The following HIVEP1 variants were observed in gnomAD, a reference collection of about 807,000 sequenced individuals.
The protein encoded by HIVEP1 is zinc finger protein 40.
HIVEP1 carries 36 observed loss-of-function variants against 180.0 expected under a neutral mutation model. The observed-to-expected ratio is 0.20, with a 90% confidence interval of 0.15 to 0.26. HIVEP1 has a LOEUF of 0.26. HIVEP1 is among the 10% of genes least tolerant of loss of function. The pLI, the probability that HIVEP1 is intolerant of heterozygous loss-of-function variation, is 1.00. For missense variants in HIVEP1, 3,143 were observed against 3,268.7 expected (o/e 0.96, Z 0.94); for synonymous variants, 1,239 against 1,239.0 (o/e 1.00, Z 0.00).
At chr6:12,182,999 T>C in the HIVEP1 span, among the ~76,000 whole-genome samples, 114 of 152,204 alleles carry the variant, frequency 7.5e-4, 1 homozygote, top group African/African-American at 2.6e-3. Context: ...GAAGTAAAAA[T>C]GATGCCAGAG....
Position 12,122,310 on chromosome 6 carries a change from A to C in HIVEP1, c.2515A>C (p.Ser839Arg). The change falls in exon 4 of 9, where the codon AGT becomes CGT. Residue 839 changes from serine (S) to arginine (R), a missense_variant. Ser to Arg is a moderately radical substitution (Grantham distance 110, BLOSUM62 -1). Coordinates refer to ENST00000379388, the MANE Select transcript of HIVEP1 (RefSeq NM_002114.4). The stretch of plus-strand genomic sequence containing the variant: ...ACTTGACTGTTTACCTATCACAAGA[A>C]GTAATTCCATGCCGACCACAGGTTA... ...PSLDCLPITR[S>R]NSMPTTGYSA... The C allele has an allele frequency of 6.2e-7, 1 of 1,614,266 alleles. No individual in the cohort carries two copies. The highest frequency in any genetic ancestry group is 1.1e-5 in the South Asian group (1 of 91,088).
chr6:12,175,087 G>A, the HIVEP1 span, among the ~76,000 whole-genome samples: 1 of 152,148 alleles, frequency 6.6e-6, no homozygotes, highest in East Asian at 1.9e-4. Context: ...ATAGGGTGTG[G>A]GCAAGAGAGA....
chr6:12,196,693 A>G, the HIVEP1 span, among the ~76,000 whole-genome samples: 10 of 152,234 alleles, frequency 6.6e-5, no homozygotes, highest in East Asian at 1.9e-3. Context: ...TCCATTTGTG[A>G]CATATTGCCC....
chr6:12,137,667 G>A (rs750657158), intron 7 of HIVEP1, among the ~76,000 whole-genome samples: 1 of 151,828 alleles, frequency 6.6e-6, no homozygotes, highest in Non-Finnish European at 1.5e-5. Context: ...CAGAGGTGGA[G>A]TTTTGCCAAG....
At chr6:12,043,782 G>T (rs575011349) in intron 2 of HIVEP1, among the ~76,000 whole-genome samples, 63 of 152,302 alleles carry the variant, frequency 4.1e-4, no homozygotes, top group African/African-American at 1.4e-3. Flanking sequence ...GCTGATCAGC[G>T]TCCCCTTGCT....
intron 2 of HIVEP1, chr6:12,038,326 G>A (rs1322908379): frequency 6.6e-6 from 1 of 151,958 alleles, no homozygotes; most frequent in Non-Finnish European, 1.5e-5. Flanking sequence ...CTGAAAAGGG[G>A]TCCATCAATT....
chr6:12,172,848 G>A, the HIVEP1 span, among the ~76,000 whole-genome samples: 1 of 150,480 alleles, frequency 6.6e-6, no homozygotes, highest in East Asian at 1.9e-4. Flanking sequence ...ATGATAATTG[G>A]GTTGTATTGT....
chr6:12,054,530 G>A (rs1770739005), intron 2 of HIVEP1, among the ~76,000 whole-genome samples: 1 of 151,972 alleles, frequency 6.6e-6, no homozygotes, highest in South Asian at 2.1e-4. Context: ...AGCACAGTTG[G>A]CATCATACAG....
intron 2 of HIVEP1, among the ~76,000 whole-genome samples, chr6:12,033,500 C>T (rs1270293184): frequency 6.6e-6 from 1 of 152,128 alleles, no homozygotes; most frequent in Non-Finnish European, 1.5e-5. Flanking sequence ...CTTGCTGGAC[C>T]ACAGCCCACT....
In HIVEP1 at chr6:12,135,904, T is replaced by A. The variant is rs752399768; in HGVS notation, c.6487+12T>A. On this transcript the variant is annotated intron_variant, in intron 7 of 8. Coordinates refer to ENST00000379388, the MANE Select transcript of HIVEP1 (RefSeq NM_002114.4). ...TACAGAAGAATCAGGTAAGGCTTTA[T>A]ACCATATTTTTCATAAATGCTATTT... The A allele has an allele frequency of 1.3e-6, 2 of 1,524,564 alleles. No individual in the cohort carries two copies. The highest frequency in any genetic ancestry group is 1.8e-6 in the Non-Finnish European group (2 of 1,103,460). 94.4% of individuals were successfully genotyped at this position (1,524,564 alleles called of 1,614,324 possible).
chr6:12,201,495 C>CAAACAAAACAAAACA, the HIVEP1 span, among the ~76,000 whole-genome samples: 1 of 151,340 alleles, frequency 6.6e-6, no homozygotes, highest in South Asian at 2.1e-4. Flanking sequence ...AACAAACAAA[C>CAAACAAAACAAAACA]AAACAAAACA....
chr6:12,017,111 A>G (rs927537677), intron 2 of HIVEP1, among the ~76,000 whole-genome samples: 1 of 152,238 alleles, frequency 6.6e-6, no homozygotes, highest in Admixed American at 6.5e-5. Context: ...TTTAAAATAT[A>G]TGTTCATAAC....
rs761840095 is a variant in HIVEP1 at position 12,129,785 on chromosome 6, A to G, written c.6102A>G (p.Thr2034=). The G allele has an allele frequency of 3.1e-6, 5 of 1,604,982 alleles. No homozygotes were observed. The highest frequency in any genetic ancestry group is 4.3e-6 in the Non-Finnish European group (5 of 1,171,806). The part of the protein sequence containing the change: ...SKRALGNQKS[T]VVEFSNKDAS... ...GAGCATTAGGTAATCAAAAGTCCAC[A>G]GTAGTTGAATTCAGCAATAAAGATG... is the stretch of plus-strand genomic sequence containing the variant. Residue 2034 remains threonine (T), a synonymous_variant, in exon 5 of 9, where the codon ACA becomes ACG. Transcript: ENST00000379388.
chr6:12,013,304 C>G (rs1185513156), intron 1 of HIVEP1, among the ~76,000 whole-genome samples: 3 of 152,206 alleles, frequency 2.0e-5, no homozygotes, highest in Non-Finnish European at 4.4e-5. Flanking sequence ...CATGTTTTTT[C>G]TCCTTGCAAC....
intron 3 of HIVEP1, 53 bp from the exon 4 acceptor site, chr6:12,119,837 T>C (rs1775450248): frequency 9.0e-7 from 1 of 1,115,540 alleles, no homozygotes; most frequent in African/African-American, 1.6e-5. Context: ...AAAATTATAG[T>C]TGGTGTATGT....
the HIVEP1 span, among the ~76,000 whole-genome samples, chr6:12,193,680 A>T: frequency 6.6e-6 from 1 of 152,192 alleles, no homozygotes; most frequent in Non-Finnish European, 1.5e-5. Context: ...TTTTAATGAC[A>T]AGCTAAGACA....
intron 3 of HIVEP1, among the ~76,000 whole-genome samples, chr6:12,096,202 A>G (rs1360729777): frequency 6.6e-6 from 1 of 152,050 alleles, no homozygotes; most frequent in African/African-American, 2.4e-5. Context: ...GAATATCACC[A>G]TCTATATAAG....
intron 3 of HIVEP1, among the ~76,000 whole-genome samples, chr6:12,095,832 T>C (rs1773752492): frequency 6.6e-6 from 1 of 152,022 alleles, no homozygotes; most frequent in African/African-American, 2.4e-5. Flanking sequence ...GCTATTCTGA[T>C]ATTATTCCCT....
downstream of HIVEP1, among the ~76,000 whole-genome samples, chr6:12,167,741 T>G (rs219951): frequency 2.3e-4 from 28 of 123,224 alleles, no homozygotes; most frequent in South Asian, 8.2e-4. Flanking sequence ...TACATGTGTA[T>G]ATGTGCGTGT....
Sources: allele counts gnomAD v4.1 joint callset (sites outside exome capture counted in the v4.1 genomes callset), GRCh38; gene constraint gnomAD v4.1.1; transcripts MANE v1.5; gene names NCBI Gene and HGNC (gene_info 2026-07-23, HGNC 2026-07-21).